The following KCNMA1 variants were observed in gnomAD, a reference collection of about 807,000 sequenced individuals.
The protein encoded by KCNMA1 is Calcium-activated potassium channel subunit alpha-1.
KCNMA1 carries 29 observed loss-of-function variants against 140.0 expected under a neutral mutation model. The observed-to-expected ratio is 0.21, with a 90% CI of 0.15 to 0.28. The LOEUF is 0.28. Among genes scored for constraint, KCNMA1 ranks in the 10% least tolerant of loss-of-function variants. The pLI, the probability that KCNMA1 is intolerant of heterozygous loss-of-function variation, is 1.00. For synonymous variants in KCNMA1, 612 were observed against 611.9 expected, an observed-to-expected ratio of 1.00 and a Z score of 0.00; for missense variants, 880 against 1,602.2, an observed-to-expected ratio of 0.55 and a Z score of 7.70.
intron 9 of KCNMA1, among the ~76,000 whole-genome samples, chr10:77,095,524 A>T (rs61866986): frequency 6.6e-6 from 1 of 152,122 alleles, no homozygotes. Flanking sequence ...GGTTTAACTG[A>T]AAAGGGCAGT....
At chr10:76,925,513 A>G (rs2152567285) in intron 23 of KCNMA1, among the ~76,000 whole-genome samples, 1 of 152,328 alleles carries the variant, frequency 6.6e-6, no homozygotes, top group Admixed American at 6.5e-5. Flanking sequence ...TGCCAAGACT[A>G]TATACCATTT....
At chr10:76,985,644 G>C in intron 19 of KCNMA1, among the ~76,000 whole-genome samples, 1 of 152,212 alleles carries the variant, frequency 6.6e-6, no homozygotes, top group Middle Eastern at 3.4e-3. Context: ...CATTTTTCAG[G>C]AAAAGATCAC....
chr10:76,966,574 C>T (rs2074017038), intron 20 of KCNMA1, among the ~76,000 whole-genome samples: 1 of 152,096 alleles, frequency 6.6e-6, no homozygotes, highest in Admixed American at 6.6e-5. Flanking sequence ...ACTTTGTGCC[C>T]CCCTAGGACT....
At chr10:76,884,219 A>G (rs2035832038), downstream of KCNMA1, 1 of 152,386 alleles carries the variant, frequency 6.6e-6, no homozygotes, top group Non-Finnish European at 1.5e-5. Context: ...TAATACAGTG[A>G]CTGAACCATC....
intron 5 of KCNMA1, 50 bp from the exon 6 acceptor site, chr10:77,121,098 A>G (rs763485876): frequency 8.6e-7 from 1 of 1,165,612 alleles, no homozygotes; most frequent in Admixed American, 1.7e-5. Flanking sequence ...GTGTGATTTT[A>G]ATGTTCACAG....
At chr10:77,370,813 C>T (rs1041288899) in intron 2 of KCNMA1, among the ~76,000 whole-genome samples, 1 of 152,166 alleles carries the variant, frequency 6.6e-6, no homozygotes, top group African/African-American at 2.4e-5. Context: ...TTGCATTGAC[C>T]AACTCTGTGA....
In KCNMA1 at chr10:77,066,806, T is replaced by C. The variant is rs1315294914; in HGVS notation, c.1749+6291A>G. 2.6e-5 allele frequency among the ~76,000 whole-genome samples: 4 copies of C among 152,162 alleles called. No individual in the cohort carries two copies. In the East Asian group the frequency reaches 7.7e-4, roughly 29 times the overall value. ...GCATCTCCCTATCTAATTTCCACCA[T>C]GTGGGTTTACTTTGCCAGACAAACT... On this transcript the variant is annotated intron_variant, in intron 14 of 27. Transcript: ENST00000286628.
chr10:77,508,387 G>A (rs2046942970), intron 1 of KCNMA1, among the ~76,000 whole-genome samples: 1 of 137,984 alleles, frequency 7.2e-6, no homozygotes, highest in South Asian at 2.2e-4. Flanking sequence ...GTTTCATCAT[G>A]TTACCCAGGG....
In KCNMA1 at chr10:77,448,275, C is replaced by G. The variant is rs143303823; in HGVS notation, c.379-44252G>C. Among the ~76,000 whole-genome samples the G allele has an allele frequency of 2.1e-4, 32 of 152,252 alleles. No homozygotes were observed. In the East Asian group the frequency reaches 4.8e-3, roughly 23 times the overall value. On this transcript the variant is annotated intron_variant, in intron 1 of 27. Transcript: ENST00000286628. Reference sequence around the variant, plus strand: ...GGTCACAGCCTTGTGATTCCATCGGCTCCAAATTTAAAGCAATCTTGCAGA... The same window carrying G: ...GGTCACAGCCTTGTGATTCCATCGGGTCCAAATTTAAAGCAATCTTGCAGA...
chr10:76,891,347 T>C, intron 26 of KCNMA1, 178 bp downstream of exon 26: 1 of 651,274 alleles, frequency 1.5e-6, no homozygotes, highest in Non-Finnish European at 2.7e-6. Flanking sequence ...TGAATGACTA[T>C]GCATAGAGCA....
chr10:76,958,623 G>C (rs1438354071), intron 20 of KCNMA1, among the ~76,000 whole-genome samples: 1 of 152,144 alleles, frequency 6.6e-6, no homozygotes, highest in Admixed American at 6.5e-5. Flanking sequence ...CAATAGGACT[G>C]GTGTCCTTAC....
At chr10:77,078,166 G>C (rs1319303882) in intron 13 of KCNMA1, 1 of 152,208 alleles carries the variant, frequency 6.6e-6, no homozygotes, top group Non-Finnish European at 1.5e-5. Context: ...CTATTTCATA[G>C]GGAATATGGC....
intron 21 of KCNMA1, among the ~76,000 whole-genome samples, chr10:76,952,762 T>C (rs1308466446): frequency 6.6e-6 from 1 of 152,162 alleles, no homozygotes; most frequent in Admixed American, 6.5e-5. Context: ...AAGTCCAGTG[T>C]GTTAGCATAC....
At chr10:77,122,484 G>A (rs1217441307) in intron 5 of KCNMA1, among the ~76,000 whole-genome samples, 1 of 151,882 alleles carries the variant, frequency 6.6e-6, no homozygotes, top group Non-Finnish European at 1.5e-5. Flanking sequence ...TAGCACCGCT[G>A]AAAACCGACC....
chr10:77,468,067 G>C (rs914308771), intron 1 of KCNMA1, among the ~76,000 whole-genome samples: 7 of 152,104 alleles, frequency 4.6e-5, no homozygotes, highest in Non-Finnish European at 8.8e-5. Context: ...GAGTGCAGTG[G>C]TGCGATCTTG....
chr10:77,336,695 G>A (rs537952562), intron 2 of KCNMA1, among the ~76,000 whole-genome samples: 14 of 152,292 alleles, frequency 9.2e-5, no homozygotes, highest in Non-Finnish European at 1.8e-4. Context: ...TTGACTGATG[G>A]CATTGGGAGC....
intron 1 of KCNMA1, among the ~76,000 whole-genome samples, chr10:77,577,952 C>T (rs2074728952): frequency 6.6e-6 from 1 of 152,212 alleles, no homozygotes; most frequent in Non-Finnish European, 1.5e-5. Context: ...CAAACAGGTG[C>T]CTCCTGCCCT....
At chr10:77,208,765 A>G (rs2045027161) in intron 3 of KCNMA1, among the ~76,000 whole-genome samples, 1 of 152,184 alleles carries the variant, frequency 6.6e-6, no homozygotes, top group Non-Finnish European at 1.5e-5. Context: ...TTTCATGCAC[A>G]GGCAAGAGCT....
chr10:77,335,136 C>T (rs114576972), intron 2 of KCNMA1, among the ~76,000 whole-genome samples: 2,169 of 152,260 alleles, frequency 0.014, 46 homozygotes, highest in African/African-American at 0.049. Flanking sequence ...CCTTTTCCTG[C>T]TCTTTCCTTC....
Sources: gnomAD v4.1 joint callset for allele counts (sites outside exome capture counted in the v4.1 genomes callset) on GRCh38, gnomAD v4.1.1 for gene constraint, MANE v1.5 for transcripts, NCBI Gene and HGNC (gene_info 2026-07-23, HGNC 2026-07-21) for gene names.